Variants in SCIN observed in about 807,000 individuals in gnomAD.
SCIN encodes scinderin.
SCIN carries 91 observed loss-of-function variants against 91.8 expected under a neutral mutation model. That is an observed-to-expected ratio of 0.99 (90% CI 0.84 to 1.18). The LOEUF is 1.18. Ranked by LOEUF, SCIN falls within the 50% of genes most tolerant of loss-of-function variation. The pLI is 0.00. For missense variants in SCIN, 1,087 were observed against 863.9 expected (o/e 1.26, Z -3.24); for synonymous variants, 367 against 312.6 (o/e 1.17, Z -1.84).
At chr7:12,624,985 A>T (rs1479604739) in intron 5 of SCIN, 25 bp from the exon 6 acceptor site, 1 of 1,548,122 alleles carries the variant, frequency 6.5e-7, no homozygotes, top group Non-Finnish European at 8.7e-7. Flanking sequence ...AAATGAAAAC[A>T]TGGAGGTCAT....
At chr7:12,625,174 A>C (rs1264142576) in intron 6 of SCIN, 32 bp downstream of exon 6, 1 of 1,571,668 alleles carries the variant, frequency 6.4e-7, no homozygotes, top group Non-Finnish European at 8.6e-7. Flanking sequence ...GCTGTATTTC[A>C]GATTTATAGA....
chr7:12,613,025 A>T (rs368634875), intron 4 of SCIN, among the ~76,000 whole-genome samples: 2 of 152,140 alleles, frequency 1.3e-5, no homozygotes, highest in East Asian at 3.9e-4. Flanking sequence ...AGACTCTGTA[A>T]ATAGGATAAT....
chr7:12,632,248 A>G lies in SCIN; in HGVS notation c.1319+3026A>G, dbSNP rs1217241319. 3.3e-5 allele frequency among the ~76,000 whole-genome samples: 5 copies of G among 151,832 alleles called. No individual in the cohort carries two copies. In the South Asian group the frequency reaches 8.3e-4, roughly 25 times the overall value. Reference sequence around the variant, plus strand: ...CGGGTTCAAGCTATTCTCCTGCCTCAGCCTCCCGAGTACCTGGGATTAGAG... The same window carrying G: ...CGGGTTCAAGCTATTCTCCTGCCTCGGCCTCCCGAGTACCTGGGATTAGAG... On this transcript the variant is annotated intron_variant, in intron 9 of 15. Transcript: ENST00000297029.
chr7:12,583,641 A>G (rs1423803178), intron 3 of SCIN, among the ~76,000 whole-genome samples: 1 of 152,128 alleles, frequency 6.6e-6, no homozygotes, highest in Non-Finnish European at 1.5e-5. Context: ...AGTATTCACT[A>G]AATCATTTAT....
chr7:12,578,186 G>C lies in SCIN; in HGVS notation c.322G>C (p.Val108Leu), dbSNP rs956528696. ...TCAAGGATATGAGTCTAATGACTTTGTTAGCTATTTCAAAGGCGGTCTGAA... is the reference window on the plus strand; with the variant it reads ...TCAAGGATATGAGTCTAATGACTTTCTTAGCTATTTCAAAGGCGGTCTGAA... ...ELQGYESNDF[V>L]SYFKGGLKYK... Residue 108 changes from valine (V) to leucine (L), a missense_variant, in exon 2 of 16, where the codon GTT (valine) becomes CTT (leucine). Transcript: ENST00000297029. 3 of 1,548,246 alleles carry C rather than the reference G, an allele frequency of 1.9e-6. No individual in the cohort carries two copies. Among genetic ancestry groups the C allele is most frequent in the East Asian group, 4.9e-5 (2 of 40,664 alleles).
chr7:12,614,582 G>A (rs752296454), intron 4 of SCIN, among the ~76,000 whole-genome samples: 1 of 152,124 alleles, frequency 6.6e-6, no homozygotes, highest in Non-Finnish European at 1.5e-5. Context: ...ACAACATTTT[G>A]TTAACAGGTG....
intron 11 of SCIN, among the ~76,000 whole-genome samples, chr7:12,641,357 T>C (rs977983983): frequency 6.6e-6 from 1 of 152,082 alleles, no homozygotes; most frequent in Non-Finnish European, 1.5e-5. Flanking sequence ...GGAACTTGTG[T>C]TTTCCCAAGA....
Position 12,659,354 on chromosome 7 carries a change from C to T in SCIN, c.*6639C>T, listed in dbSNP as rs1421982517. The T allele has an allele frequency of 1.3e-5, 2 of 152,202 alleles. No homozygotes were observed. The highest frequency in any genetic ancestry group is 1.3e-4 in the Admixed American group (2 of 15,270). The allele number at this position is 152,202 out of a possible 1,614,324, so 9.4% of individuals were successfully genotyped here. On this transcript the variant is annotated 3_prime_UTR_variant, in exon 16 of 16. Coordinates refer to ENST00000297029, the MANE Select transcript of SCIN (RefSeq NM_001112706.3). ...TAAACAATAGACAGGTAAATACAGA[C>T]TTGGCTGTATTTGAACAGCACCTTC...
chr7:12,637,226 AC>A (rs1200624972), intron 10 of SCIN, among the ~76,000 whole-genome samples: 1 of 152,260 alleles, frequency 6.6e-6, no homozygotes, highest in African/African-American at 2.4e-5. Flanking sequence ...ACAGTGCAGA[AC>A]AAGCACAGAT....
At chr7:12,578,909 G>GTTTTTTTTTTTTTTTTTTTGTTTTTTT in intron 2 of SCIN, among the ~76,000 whole-genome samples, 1 of 85,898 alleles carries the variant, frequency 1.2e-5, no homozygotes, top group African/African-American at 5.2e-5. Context: ...TATAGGACAG[G>GTTTTTTTTTTTTTTTTTTTGTTTTTTT]TTTTTTTTTT....
rs1333044482 is a variant in SCIN at position 12,570,903 on chromosome 7, CTTCT to C, written c.118_121del (p.Phe40ThrfsTer75). ...CCGTGCCCCAGAGCGCTCACGGCGA[CTTCT>C]ACGTCGGGGATGCCTACCTGGTGCT... is the stretch of plus-strand genomic sequence containing the variant. On this transcript the variant is annotated frameshift_variant, in exon 1 of 16. Transcript: ENST00000297029. LOFTEE classifies it high-confidence loss of function. The C allele has an allele frequency of 1.3e-6, 2 of 1,551,466 alleles. No individual in the cohort carries two copies. The highest frequency in any genetic ancestry group is 1.7e-6 in the Non-Finnish European group (2 of 1,146,980).
rs771505875 is a variant in SCIN, at chr7:12,651,831, CA to C, written c.1960-9del. ...GAAATCATACATATTGTTATTGTTT[CA>C]TTTTTCAGATATTTATTTGGATTGG... On this transcript the variant is annotated splice_polypyrimidine_tract_variant and intron_variant, in intron 14 of 15. Coordinates refer to ENST00000297029, the MANE Select transcript of SCIN (RefSeq NM_001112706.3). This position sits in a 1 kb window ranked among gnomAD's most constrained non-coding sequence, Gnocchi z 5.9. 58 of 1,544,516 alleles carry C rather than the reference CA, an allele frequency of 3.8e-5. No individual in the cohort carries two copies. The highest frequency in any genetic ancestry group is 4.7e-5 in the Non-Finnish European group (53 of 1,127,364).
intron 15 of SCIN, among the ~76,000 whole-genome samples, chr7:12,652,343 A>T: frequency 6.6e-6 from 1 of 152,044 alleles, no homozygotes; most frequent in South Asian, 2.1e-4. Context: ...TGAGATTCAC[A>T]TGTTGCCTTT....
At chr7:12,597,473 A>AT (rs1386330664) in intron 3 of SCIN, among the ~76,000 whole-genome samples, 1 of 152,240 alleles carries the variant, frequency 6.6e-6, no homozygotes, top group Non-Finnish European at 1.5e-5. Context: ...TTGAGTCAAC[A>AT]TCGCATAGGC....
intron 4 of SCIN, among the ~76,000 whole-genome samples, chr7:12,605,193 A>C (rs1783052300): frequency 6.6e-6 from 1 of 152,018 alleles, no homozygotes; most frequent in African/African-American, 2.4e-5. Flanking sequence ...CTGGGACTAC[A>C]GGCGCCCACC....
chr7:12,629,256 C>T (rs754645235), intron 9 of SCIN, 34 bp downstream of exon 9: 3 of 1,577,854 alleles, frequency 1.9e-6, no homozygotes, highest in Admixed American at 1.9e-5. Flanking sequence ...TCGAGTTCCA[C>T]AGGAGCCAGA....
At position 12,651,557 on chromosome 7, in the gene SCIN, T is replaced by C. The variant is rs1276908368; in HGVS notation, c.1960-284T>C. Reference sequence around the variant, plus strand: ...GTCCACCCAGACAATCTGTTTTTTTTTGTGAAAGATCACTTTACAAACTAG... The same window carrying C: ...GTCCACCCAGACAATCTGTTTTTTTCTGTGAAAGATCACTTTACAAACTAG... On this transcript the variant is annotated intron_variant, in intron 14 of 15. Transcript: ENST00000297029. The surrounding 1 kb of genome is among the most constrained non-coding windows in gnomAD (Gnocchi z 5.9). Among the ~76,000 whole-genome samples, 1 of 152,100 alleles carries C rather than the reference T, an allele frequency of 6.6e-6. No individual in the cohort carries two copies. Among genetic ancestry groups the C allele is most frequent in the African/African-American group, 2.4e-5 (1 of 41,416 alleles).
intron 13 of SCIN, among the ~76,000 whole-genome samples, chr7:12,647,085 T>C (rs1783979663): frequency 6.6e-6 from 1 of 152,214 alleles, no homozygotes; most frequent in Non-Finnish European, 1.5e-5. Flanking sequence ...ATTAGAATTA[T>C]TTATTAACAT....
intron 7 of SCIN, 62 bp downstream of exon 7, chr7:12,625,912 A>C: frequency 8.2e-7 from 1 of 1,222,238 alleles, no homozygotes; most frequent in South Asian, 1.4e-5. Flanking sequence ...TGACATCTCC[A>C]CGAAACTCAT....
Sources: gnomAD v4.1 joint callset for allele counts (sites outside exome capture counted in the v4.1 genomes callset) on GRCh38, gnomAD v4.1.1 for gene constraint, Gnocchi (gnomAD v3.1) non-coding constraint, MANE v1.5 for transcripts, NCBI Gene and HGNC (gene_info 2026-07-23, HGNC 2026-07-21) for gene names.